Variants in PRKG1 observed in about 807,000 individuals in gnomAD.
PRKG1 encodes the protein cGMP-dependent protein kinase 1.
In PRKG1, 35 loss-of-function variants were observed where a neutral mutation model predicts 88.1. The ratio of observed to expected loss-of-function variants is 0.40; its 90% CI spans 0.30 to 0.53. The LOEUF (loss-of-function observed/expected upper bound fraction) is 0.53. Ranked by LOEUF, PRKG1 falls within the 20% of genes least tolerant of loss-of-function variation. The pLI, the probability that PRKG1 is intolerant of heterozygous loss-of-function variation, is 0.59. For missense variants in PRKG1, 540 were observed against 839.8 expected (o/e 0.64, Z 4.41); for synonymous variants, 303 against 292.5 (o/e 1.04, Z -0.37).
intron 3 of PRKG1, among the ~76,000 whole-genome samples, chr10:51,704,212 A>G (rs1322052667): frequency 6.6e-6 from 1 of 150,682 alleles, no homozygotes; most frequent in African/African-American, 2.5e-5. Flanking sequence ...CAATTATAGT[A>G]TAGTAGCTGA....
chr10:51,009,789 A>C (rs1345914739), intron 1 of PRKG1, among the ~76,000 whole-genome samples: 1 of 152,228 alleles, frequency 6.6e-6, no homozygotes, highest in Non-Finnish European at 1.5e-5. Flanking sequence ...TTGAAGATAT[A>C]AAATATTTGA....
chr10:51,505,906 C>CT (rs759719346), intron 3 of PRKG1, among the ~76,000 whole-genome samples: 1 of 151,524 alleles, frequency 6.6e-6, no homozygotes, highest in Non-Finnish European at 1.5e-5. Context: ...TTTTGTTGAT[C>CT]TTTTCAAAAA....
intron 3 of PRKG1, among the ~76,000 whole-genome samples, chr10:51,494,816 C>T (rs1437506057): frequency 6.6e-6 from 1 of 152,024 alleles, no homozygotes; most frequent in Non-Finnish European, 1.5e-5. Context: ...TAAATTTATT[C>T]TGTTCATTTT....
chr10:51,274,625 C>T (rs1021281146), intron 2 of PRKG1, among the ~76,000 whole-genome samples: 2 of 152,124 alleles, frequency 1.3e-5, no homozygotes, highest in Non-Finnish European at 2.9e-5. Context: ...AGTTATTGAT[C>T]GATCCTGTTA....
intron 2 of PRKG1, among the ~76,000 whole-genome samples, chr10:51,402,116 TG>T (rs1837756461): frequency 6.6e-6 from 1 of 152,214 alleles, no homozygotes; most frequent in Non-Finnish European, 1.5e-5. Context: ...ATACTAGTAC[TG>T]ATATATTCAT....
chr10:51,402,451 T>C (rs560941068), intron 2 of PRKG1, among the ~76,000 whole-genome samples: 28 of 152,202 alleles, frequency 1.8e-4, no homozygotes, highest in Admixed American at 3.9e-4. Flanking sequence ...CACCACACTT[T>C]TGTGTTGCAT....
chr10:52,049,070 C>T (rs1845928196), intron 5 of PRKG1, among the ~76,000 whole-genome samples: 1 of 152,128 alleles, frequency 6.6e-6, no homozygotes, highest in South Asian at 2.1e-4. Flanking sequence ...GGAGGCTTTG[C>T]TGTGGTTTGC....
chr10:52,024,663 C>T (rs556405642), intron 5 of PRKG1, among the ~76,000 whole-genome samples: 2 of 152,082 alleles, frequency 1.3e-5, no homozygotes, highest in African/African-American at 4.8e-5. Flanking sequence ...ATGAACTCAT[C>T]CTTTTTTATG....
At chr10:51,710,937 C>A (rs575690868) in intron 3 of PRKG1, among the ~76,000 whole-genome samples, 1 of 152,148 alleles carries the variant, frequency 6.6e-6, no homozygotes, top group Non-Finnish European at 1.5e-5. Flanking sequence ...CTCAAGCAAG[C>A]CTCCCATCTC....
At chr10:51,647,648 A>G (rs778405255) in intron 3 of PRKG1, among the ~76,000 whole-genome samples, 2 of 152,204 alleles carry the variant, frequency 1.3e-5, no homozygotes, top group Non-Finnish European at 2.9e-5. Flanking sequence ...TGTCACCTCA[A>G]GAGGAACTAA....
chr10:51,839,511 C>G lies in PRKG1; in HGVS notation c.698+34821C>G, dbSNP rs187510199. On this transcript the variant is annotated intron_variant, in intron 4 of 17. Coordinates refer to ENST00000373980, the MANE Select transcript of PRKG1 (RefSeq NM_006258.4). Reference sequence around the variant, plus strand: ...TGTTATGCTCAATAGAAAATTATGACTCACTGATTTTGCATATGGGTAATA... The same window carrying G: ...TGTTATGCTCAATAGAAAATTATGAGTCACTGATTTTGCATATGGGTAATA... Among the ~76,000 whole-genome samples, 378 of 152,290 alleles carry G rather than the reference C, an allele frequency of 2.5e-3. 1 individual carries two copies. Among genetic ancestry groups the G allele is most frequent in the Admixed American group, 4.6e-3 (71 of 15,302 alleles).
intron 3 of PRKG1, among the ~76,000 whole-genome samples, chr10:51,642,954 C>T (rs1785246151): frequency 6.6e-6 from 1 of 152,124 alleles, no homozygotes; most frequent in Admixed American, 6.5e-5. Flanking sequence ...TAAAGTAATC[C>T]ACGTTCTTAT....
At chr10:52,184,005 A>T (rs562291492) in intron 9 of PRKG1, among the ~76,000 whole-genome samples, 29 of 152,190 alleles carry the variant, frequency 1.9e-4, no homozygotes, top group South Asian at 4.1e-4. Flanking sequence ...TGCAGAGGTC[A>T]GGTGCCTCCC....
chr10:51,866,272 C>T (rs1019007292), intron 4 of PRKG1, among the ~76,000 whole-genome samples: 1 of 152,014 alleles, frequency 6.6e-6, no homozygotes, highest in African/African-American at 2.4e-5. Flanking sequence ...TTAAAATAAG[C>T]ATTCTCATTT....
At chr10:51,245,751 G>A (rs1453647102) in intron 2 of PRKG1, 1 of 152,066 alleles carries the variant, frequency 6.6e-6, no homozygotes, top group Non-Finnish European at 1.5e-5. Flanking sequence ...TGTGCTAAGA[G>A]AACACTGAGA....
At chr10:51,880,053 G>C (rs985057374) in intron 4 of PRKG1, among the ~76,000 whole-genome samples, 1 of 152,144 alleles carries the variant, frequency 6.6e-6, no homozygotes. Context: ...GCTTCTGGAC[G>C]TATTTTCTCA....
At chr10:51,891,265 A>T (rs1394223766) in intron 4 of PRKG1, among the ~76,000 whole-genome samples, 1 of 152,174 alleles carries the variant, frequency 6.6e-6, no homozygotes, top group Non-Finnish European at 1.5e-5. Flanking sequence ...CCTTGTCTCT[A>T]CAAATAAATA....
chr10:51,616,499 C>T (rs1839059970), intron 3 of PRKG1, among the ~76,000 whole-genome samples: 1 of 152,090 alleles, frequency 6.6e-6, no homozygotes, highest in Admixed American at 6.5e-5. Context: ...GTGGCACATG[C>T]AGATAGGTGG....
chr10:51,977,046 G>A (rs1363787146), intron 5 of PRKG1, among the ~76,000 whole-genome samples: 3 of 151,796 alleles, frequency 2.0e-5, no homozygotes, highest in South Asian at 4.2e-4. Flanking sequence ...ATGGGGTATT[G>A]TACAGATTAT....
Sources: gnomAD v4.1 joint callset for allele counts (sites outside exome capture counted in the v4.1 genomes callset) on GRCh38, gnomAD v4.1.1 for gene constraint, MANE v1.5 for transcripts, NCBI Gene and HGNC (gene_info 2026-07-23, HGNC 2026-07-21) for gene names.